The following TRPM3 variants were observed in gnomAD, a reference collection of about 807,000 sequenced individuals.
TRPM3 encodes transient receptor potential cation channel subfamily M member 3, also known as long transient receptor potential channel 3.
TRPM3 carries 77 observed loss-of-function variants against 181.2 expected under a neutral mutation model. The observed-to-expected ratio is 0.42, with a 90% CI of 0.35 to 0.51. The LOEUF is 0.51. Ranked by LOEUF, TRPM3 falls within the 20% of genes least tolerant of loss-of-function variation. TRPM3 has a pLI of 0.01. For missense variants in TRPM3, 1,759 were observed against 2,196.7 expected (o/e 0.80, Z 3.98); for synonymous variants, 745 against 796.4 (o/e 0.94, Z 1.09).
chr9:70,638,961 G>T, intron 11 of TRPM3, 99 bp downstream of exon 11: 1 of 1,362,368 alleles, frequency 7.3e-7, no homozygotes, highest in Non-Finnish European at 1.0e-6. Context: ...CATGCATTTG[G>T]ACGGGAGAAG....
chr9:71,074,914 A>G (rs2063250337), intron 1 of TRPM3, among the ~76,000 whole-genome samples: 1 of 152,166 alleles, frequency 6.6e-6, no homozygotes, highest in African/African-American at 2.4e-5. Flanking sequence ...GAGGGTGAAA[A>G]GTTTGAATGA....
At chr9:70,911,881 C>T (rs1292784345) in intron 1 of TRPM3, among the ~76,000 whole-genome samples, 2 of 152,172 alleles carry the variant, frequency 1.3e-5, no homozygotes, top group African/African-American at 4.8e-5. Flanking sequence ...CATTTGCCTC[C>T]CTAGAATTAA....
At chr9:71,420,985 A>G (rs11142818) in intron 1 of TRPM3, among the ~76,000 whole-genome samples, 1 of 99,704 alleles carries the variant, frequency 1.0e-5, no homozygotes, top group African/African-American at 4.7e-5. Flanking sequence ...AAGAGAGAGA[A>G]AAAGAGAGAG....
intron 7 of TRPM3, among the ~76,000 whole-genome samples, chr9:70,769,023 C>T (rs2079685265): frequency 6.6e-6 from 1 of 152,146 alleles, no homozygotes. Context: ...TCAGATGATA[C>T]CAACAGACTG....
At chr9:71,016,461 T>G (rs1391839459) in intron 1 of TRPM3, among the ~76,000 whole-genome samples, 1 of 152,100 alleles carries the variant, frequency 6.6e-6, no homozygotes, top group Non-Finnish European at 1.5e-5. Flanking sequence ...GCAACCACCA[T>G]CTTACTTTCT....
intron 1 of TRPM3, among the ~76,000 whole-genome samples, chr9:71,283,545 C>T (rs2085029334): frequency 1.3e-5 from 2 of 152,232 alleles, no homozygotes; most frequent in South Asian, 2.1e-4. Context: ...ACCTCGTGAT[C>T]CCCCGCCTTG....
chr9:70,915,367 G>A (rs1028011736), intron 1 of TRPM3, among the ~76,000 whole-genome samples: 6 of 151,608 alleles, frequency 4.0e-5, no homozygotes, highest in Non-Finnish European at 5.9e-5. Flanking sequence ...GCCCAATCTC[G>A]GCTCACTGCA....
intron 1 of TRPM3, among the ~76,000 whole-genome samples, chr9:71,289,696 C>A (rs1311559416): frequency 6.6e-6 from 1 of 151,500 alleles, no homozygotes; most frequent in Non-Finnish European, 1.5e-5. Flanking sequence ...GGTGAAATGT[C>A]GTCTCTACTA....
At chr9:70,593,389 T>C (rs1053693749) in intron 21 of TRPM3, among the ~76,000 whole-genome samples, 4 of 152,204 alleles carry the variant, frequency 2.6e-5, no homozygotes, top group Non-Finnish European at 5.9e-5. Context: ...AAAAGTTCTA[T>C]CAATGAAAAA....
chr9:70,920,420 A>G (rs2096643007), intron 1 of TRPM3, among the ~76,000 whole-genome samples: 1 of 152,216 alleles, frequency 6.6e-6, no homozygotes, highest in African/African-American at 2.4e-5. Flanking sequence ...TAAAATAAAA[A>G]GAAAAGAAAC....
chr9:71,423,286 T>C lies in TRPM3; in HGVS notation c.183+23367A>G, dbSNP rs951408082. On this transcript the variant is annotated intron_variant, in intron 1 of 24. Coordinates refer to the TRPM3 transcript ENST00000357533. ...GATCCACTAAAAGTTAGAAATTCCT[T>C]AAATAATTGTTTTTTAAAGAACTAC... Among the ~76,000 whole-genome samples the C allele has an allele frequency of 7.2e-5, 11 of 152,134 alleles. No individual in the cohort carries two copies. The East Asian group carries it at 1.9e-3, about 27-fold the overall frequency.
chr9:71,121,432 T>C lies in TRPM3; in HGVS notation c.-78A>G, dbSNP rs2073627365. 1.3e-6 allele frequency: 2 copies of C among 1,535,988 alleles called. No individual in the cohort carries two copies. Among genetic ancestry groups the C allele is most frequent in the South Asian group, 1.3e-5 (1 of 78,452 alleles). On this transcript the variant is annotated 5_prime_UTR_variant, in exon 1 of 26. Coordinates refer to ENST00000677713, the MANE Select transcript of TRPM3 (RefSeq NM_001366145.2). The stretch of plus-strand genomic sequence containing the variant: ...ACTTGGAAGACTAGTCAAGTAGCCT[T>C]GCCTGAGCCCCTGAACCTTCTTAAA...
In TRPM3 at chr9:71,223,473, A is replaced by T. The variant is rs558490809; in HGVS notation, c.183+223180T>A. On this transcript the variant is annotated intron_variant, in intron 1 of 24. Transcript: ENST00000357533. ...GTTGGCTTTAGGTGTGACCAAGTGT[A>T]TTTACAACTGTGGTAGCTACCAGGA... 8.5e-5 allele frequency among the ~76,000 whole-genome samples: 13 copies of T among 152,282 alleles called. 1 individual carries two copies. The East Asian group carries it at 2.5e-3, about 29-fold the overall frequency.
intron 22 of TRPM3, 55 bp downstream of exon 22, chr9:70,590,976 C>G: frequency 4.3e-6 from 7 of 1,609,924 alleles, no homozygotes; most frequent in Non-Finnish European, 6.0e-6. Context: ...AAAGACATAA[C>G]CGAATTGAAT....
chr9:71,279,908 T>A (rs892101137), intron 1 of TRPM3, among the ~76,000 whole-genome samples: 3 of 151,970 alleles, frequency 2.0e-5, no homozygotes, highest in Non-Finnish European at 4.4e-5. Context: ...TGAAACCCCA[T>A]CTCTACTAAA....
At chr9:71,012,086 G>C (rs947047531) in intron 1 of TRPM3, among the ~76,000 whole-genome samples, 1 of 151,802 alleles carries the variant, frequency 6.6e-6, no homozygotes, top group Non-Finnish European at 1.5e-5. Context: ...GCTGGCCTAT[G>C]TTTTCTTTTA....
chr9:70,616,092 GATA>G lies in TRPM3; in HGVS notation c.2359-20_2359-18del, dbSNP rs773115247. Reference sequence around the variant, plus strand: ...CAGAATTACCTAAAGTAATAATAATGATAATAATAATAATCACATTTAAAGGAT... The same window carrying G: ...CAGAATTACCTAAAGTAATAATAATGATAATAATAATCACATTTAAAGGAT... On this transcript the variant is annotated intron_variant, in intron 17 of 25. Transcript: ENST00000677713. The G allele has an allele frequency of 6.3e-5, 95 of 1,514,318 alleles. No individual in the cohort carries two copies. The highest frequency in any genetic ancestry group is 2.9e-4 in the South Asian group (23 of 79,334). The allele number at this position is 1,514,318 out of a possible 1,614,324, so 93.8% of individuals were successfully genotyped here. A position where few individuals can be genotyped will look rare whatever the true frequency, so the allele number is the denominator to read the frequency against.
intron 1 of TRPM3, among the ~76,000 whole-genome samples, chr9:71,216,664 C>A (rs1302928237): frequency 1.3e-5 from 2 of 152,164 alleles, no homozygotes; most frequent in Admixed American, 1.3e-4. Flanking sequence ...CTGACATATT[C>A]ATATCTAGCT....
chr9:70,775,311 T>C (rs1588156170), intron 7 of TRPM3: 1 of 152,050 alleles, frequency 6.6e-6, no homozygotes, highest in African/African-American at 2.4e-5. Flanking sequence ...CAGAGAAAAA[T>C]TTACTAGAAA....
Sources: gnomAD v4.1 joint callset for allele counts (sites outside exome capture counted in the v4.1 genomes callset) on GRCh38, gnomAD v4.1.1 for gene constraint, MANE v1.5 for transcripts, NCBI Gene and HGNC (gene_info 2026-07-23, HGNC 2026-07-21) for gene names.